CDK5RAP2: variants seen among roughly 807,000 people sequenced by gnomAD.
CDK5RAP2 encodes CDK5 regulatory subunit associated protein 2.
A neutral mutation model predicts 232.9 loss-of-function variants in CDK5RAP2; 147 were observed. The ratio of observed to expected loss-of-function variants is 0.63; its 90% CI spans 0.55 to 0.72. The LOEUF (loss-of-function observed/expected upper bound fraction) is 0.72, where lower values mean the gene tolerates loss of function less well. Among genes scored for constraint, CDK5RAP2 ranks in the 30% least tolerant of loss-of-function variants. The pLI is 0.00. For synonymous variants in CDK5RAP2, 833 were observed against 833.7 expected (o/e 1.00, Z 0.01); for missense variants, 2,195 against 2,231.5 (o/e 0.98, Z 0.33).
At chr9:120,516,137 C>T (rs921582789) in intron 12 of CDK5RAP2, among the ~76,000 whole-genome samples, 5 of 151,978 alleles carry the variant, frequency 3.3e-5, no homozygotes, top group East Asian at 1.9e-4. Flanking sequence ...CAATGATAGA[C>T]TGGATTAAGA....
At position 120,453,860 on chromosome 9, in the gene CDK5RAP2, T is replaced by G. The variant is rs758047708; in HGVS notation, c.2389A>C (p.Lys797Gln). 6 of 1,614,222 alleles carry G rather than the reference T, an allele frequency of 3.7e-6. No individual in the cohort carries two copies. The highest frequency in any genetic ancestry group is 5.1e-6 in the Non-Finnish European group (6 of 1,180,038). ...LLLESRPDLL[K>Q]VVRELLLGQL... ...CCCAGAAGCAGTTCCCGTACCACTT[T>G]CAGAAGGTCTGGCCTGTTTTTCCAA... Residue 797 changes from lysine (K) to glutamine (Q), a missense_variant, in exon 21 of 38, where the codon AAA (lysine) becomes CAA (glutamine). Lys to Gln is a moderately conservative substitution (Grantham distance 53). Transcript: ENST00000349780.
At chr9:120,448,673 C>T (rs998183624) in intron 21 of CDK5RAP2, among the ~76,000 whole-genome samples, 2 of 152,194 alleles carry the variant, frequency 1.3e-5, no homozygotes, top group African/African-American at 4.8e-5. Context: ...GTCTCCGCTG[C>T]AAATCTACGC....
At chr9:120,572,453 G>T (rs759293140) in intron 1 of CDK5RAP2, among the ~76,000 whole-genome samples, 1 of 152,132 alleles carries the variant, frequency 6.6e-6, no homozygotes, top group Non-Finnish European at 1.5e-5. Flanking sequence ...TTCAGTAAAC[G>T]GCAACTATTG....
chr9:120,498,055 G>A (rs748682038), intron 12 of CDK5RAP2, among the ~76,000 whole-genome samples: 4 of 152,174 alleles, frequency 2.6e-5, no homozygotes, highest in Admixed American at 2.0e-4. Context: ...CCTGCTCTCC[G>A]TTATCTCAAG....
chr9:120,510,572 T>G (rs1412538150), intron 12 of CDK5RAP2, among the ~76,000 whole-genome samples: 1 of 152,134 alleles, frequency 6.6e-6, no homozygotes, highest in Non-Finnish European at 1.5e-5. Context: ...CATGCACATG[T>G]GCACACTCAC....
At chr9:120,441,563 C>T (rs1350840397) in intron 23 of CDK5RAP2, among the ~76,000 whole-genome samples, 2 of 152,212 alleles carry the variant, frequency 1.3e-5, no homozygotes, top group East Asian at 1.9e-4. Context: ...TGGAAAAATG[C>T]TACAAAAGCA....
At chr9:120,400,516 C>T (rs530125270) in intron 35 of CDK5RAP2, among the ~76,000 whole-genome samples, 1 of 152,102 alleles carries the variant, frequency 6.6e-6, no homozygotes, top group Non-Finnish European at 1.5e-5. Flanking sequence ...AGAATGCGGA[C>T]GGGATTCTAC....
In CDK5RAP2 at chr9:120,409,335, G is replaced by A; in HGVS notation, c.4415-19C>T. On this transcript the variant is annotated intron_variant, in intron 29 of 37. Transcript: ENST00000349780. Reference sequence around the variant, plus strand: ...TGTTTATCTGCAAACATAAAAAGGTGCCACTGAGAAGGGCCACCATTTGTT... The same window carrying A: ...TGTTTATCTGCAAACATAAAAAGGTACCACTGAGAAGGGCCACCATTTGTT... 6.4e-7 allele frequency: 1 copy of A among 1,557,424 alleles called. No individual in the cohort carries two copies. Among genetic ancestry groups the A allele is most frequent in the Non-Finnish European group, 8.7e-7 (1 of 1,149,308 alleles).
intron 4 of CDK5RAP2, among the ~76,000 whole-genome samples, chr9:120,548,323 C>T (rs188434662): frequency 1.3e-5 from 2 of 152,302 alleles, no homozygotes; most frequent in East Asian, 1.9e-4. Flanking sequence ...ATATACTCTA[C>T]GTGCTTCACT....
Position 120,491,328 on chromosome 9 carries a change from A to G in CDK5RAP2, c.1461T>C (p.Asn487=), listed in dbSNP as rs760079614. 1 of 1,613,516 alleles carries G rather than the reference A, an allele frequency of 6.2e-7. No individual in the cohort carries two copies. Among genetic ancestry groups the G allele is most frequent in the Admixed American group, 1.7e-5 (1 of 60,018 alleles). Residue 487 remains asparagine, a synonymous_variant, in exon 13 of 38, where the codon AAT becomes AAC. Transcript: ENST00000349780. Reference sequence around the variant, plus strand: ...GTACCTGAAGCAACACGTCCTTCTGATTGGTACTTTCTGTTAGATGTTTGA... The same window carrying G: ...GTACCTGAAGCAACACGTCCTTCTGGTTGGTACTTTCTGTTAGATGTTTGA... ...QVIKHLTEST[N]QKDVLLQKFN...
intron 12 of CDK5RAP2, among the ~76,000 whole-genome samples, chr9:120,491,685 G>C (rs1423103215): frequency 6.6e-6 from 1 of 152,160 alleles, no homozygotes; most frequent in Non-Finnish European, 1.5e-5. Flanking sequence ...TTTATGAACA[G>C]ATATTTATCA....
At chr9:120,527,696 T>C (rs753281445) in intron 10 of CDK5RAP2, 110 bp downstream of exon 10, 15 of 1,230,652 alleles carry the variant, frequency 1.2e-5, no homozygotes, top group Non-Finnish European at 1.7e-5. Flanking sequence ...CTTTCTATAC[T>C]ACCTCAGCTC....
At chr9:120,480,765 TC>T (rs2038261066) in intron 14 of CDK5RAP2, among the ~76,000 whole-genome samples, 1 of 152,156 alleles carries the variant, frequency 6.6e-6, no homozygotes, top group Non-Finnish European at 1.5e-5. Flanking sequence ...GTGCTTCCAA[TC>T]CTGACAAAAC....
intron 1 of CDK5RAP2, among the ~76,000 whole-genome samples, chr9:120,577,878 G>A (rs1040505269): frequency 2.0e-5 from 3 of 152,166 alleles, no homozygotes; most frequent in African/African-American, 7.2e-5. Flanking sequence ...AAATAAGAAT[G>A]GCTATCTGAG....
rs2043191254 is a variant in CDK5RAP2, at chr9:120,580,107, C to A, written c.-129G>T. 1 of 597,344 alleles carries A rather than the reference C, an allele frequency of 1.7e-6. No individual in the cohort carries two copies. Among genetic ancestry groups the A allele is most frequent in the African/African-American group, 1.9e-5 (1 of 53,056 alleles). The allele number at this position is 597,344 out of a possible 1,614,324, so 37.0% of individuals were successfully genotyped here. On this transcript the variant is annotated 5_prime_UTR_variant, in exon 1 of 38. Coordinates refer to ENST00000349780, the MANE Select transcript of CDK5RAP2 (RefSeq NM_018249.6). ...CCAGCTCTTGTTCAGACTCTGGCGG[C>A]GCCGCTGGAATTCAAACCACAGACG...
At chr9:120,542,271 A>G (rs180996721) in intron 5 of CDK5RAP2, among the ~76,000 whole-genome samples, 1 of 152,302 alleles carries the variant, frequency 6.6e-6, no homozygotes, top group Non-Finnish European at 1.5e-5. Flanking sequence ...TGGGAGGCCA[A>G]TGCAGGGGGG....
At chr9:120,524,652 A>T (rs1291758560) in intron 11 of CDK5RAP2, among the ~76,000 whole-genome samples, 1 of 151,938 alleles carries the variant, frequency 6.6e-6, no homozygotes, top group Non-Finnish European at 1.5e-5. Context: ...AAAAAAAAAA[A>T]TTTAAAAACA....
chr9:120,515,051 C>T (rs2040267607), intron 12 of CDK5RAP2, among the ~76,000 whole-genome samples: 2 of 151,504 alleles, frequency 1.3e-5, no homozygotes, highest in South Asian at 2.1e-4. Flanking sequence ...TATATATTAT[C>T]GAGAGAGACA....
At chr9:120,504,889 CA>C (rs142117080) in intron 12 of CDK5RAP2, among the ~76,000 whole-genome samples, 3,004 of 152,250 alleles carry the variant, frequency 0.02, 89 homozygotes, top group African/African-American at 0.068. Flanking sequence ...AGGCCCAATT[CA>C]AGTGCCATCT....
Sources: allele counts gnomAD v4.1 joint callset (sites outside exome capture counted in the v4.1 genomes callset), GRCh38; gene constraint gnomAD v4.1.1; transcripts MANE v1.5; gene names NCBI Gene and HGNC (gene_info 2026-07-23, HGNC 2026-07-21).